Variants in KCNT2 observed in about 807,000 individuals in gnomAD.
KCNT2 encodes the protein potassium channel subfamily T member 2.
Under a neutral mutation model 153.8 loss-of-function variants are expected in KCNT2, and 67 were observed. That is an observed-to-expected ratio of 0.44 (90% CI 0.36 to 0.53). The LOEUF is 0.53. Among genes scored for constraint, KCNT2 ranks in the 20% least tolerant of loss-of-function variants. The pLI is 0.00. For synonymous variants in KCNT2, 500 were observed against 458.8 expected, an observed-to-expected ratio of 1.09 and a Z score of -1.15; for missense variants, 975 against 1,354.8, an observed-to-expected ratio of 0.72 and a Z score of 4.40.
chr1:196,387,455 A>G (rs1056018989), intron 13 of KCNT2, among the ~76,000 whole-genome samples: 1 of 151,866 alleles, frequency 6.6e-6, no homozygotes, highest in Non-Finnish European at 1.5e-5. Flanking sequence ...CTGTATGTCC[A>G]CCCTATTTTA....
At chr1:196,263,970 A>G (rs114646490) in intron 25 of KCNT2, among the ~76,000 whole-genome samples, 25 of 151,838 alleles carry the variant, frequency 1.6e-4, no homozygotes, top group South Asian at 1.5e-3. Flanking sequence ...GTTTAATTCA[A>G]TCTCTACTTT....
intron 26 of KCNT2, among the ~76,000 whole-genome samples, chr1:196,244,442 C>A (rs1655241533): frequency 6.6e-6 from 1 of 152,078 alleles, no homozygotes; most frequent in Admixed American, 6.5e-5. Flanking sequence ...CATTTCTGGA[C>A]CTTCCCTGGG....
At chr1:196,451,407 A>ATTTTTTTTTTTTTTT (rs35621901) in intron 8 of KCNT2, among the ~76,000 whole-genome samples, 4 of 62,894 alleles carry the variant, frequency 6.4e-5, no homozygotes, top group African/African-American at 6.8e-5. Flanking sequence ...CACCCAACAC[A>ATTTTTTTTTTTTTTT]TTTTTTTTTT....
At chr1:196,302,994 A>T (rs1338298287) in intron 22 of KCNT2, among the ~76,000 whole-genome samples, 1 of 151,370 alleles carries the variant, frequency 6.6e-6, no homozygotes, top group East Asian at 1.9e-4. Flanking sequence ...TCTAAAAGAC[A>T]TAAGGACAAA....
intron 1 of KCNT2, among the ~76,000 whole-genome samples, chr1:196,526,230 A>G (rs987506239): frequency 5.3e-5 from 8 of 151,878 alleles, no homozygotes; most frequent in Non-Finnish European, 1.0e-4. Context: ...AAAAATGTTC[A>G]TGTATAATTT....
At chr1:196,603,289 G>A (rs1331868445) in intron 1 of KCNT2, among the ~76,000 whole-genome samples, 1 of 152,050 alleles carries the variant, frequency 6.6e-6, no homozygotes, top group Non-Finnish European at 1.5e-5. Flanking sequence ...TAAAAATAAT[G>A]TGTCATTCAT....
Position 196,340,557 on chromosome 1 carries a change from A to G in KCNT2, c.1567T>C (p.Leu523=). ...FHAHKKFGVC[L]IGVRREDNKN... The stretch of plus-strand genomic sequence containing the variant: ...TTATCCTCCCTCCTAACACCAATCA[A>G]GCAGACGCCAAACCTTAATTTAAAA... Residue 523 remains leucine (L), a synonymous_variant, in exon 16 of 28, where the codon TTG becomes CTG. Coordinates refer to ENST00000294725, the MANE Select transcript of KCNT2 (RefSeq NM_198503.5). 6.4e-7 allele frequency: 1 copy of G among 1,560,136 alleles called. No individual in the cohort carries two copies. Among genetic ancestry groups the G allele is most frequent in the Non-Finnish European group, 8.7e-7 (1 of 1,155,260 alleles).
intron 26 of KCNT2, among the ~76,000 whole-genome samples, chr1:196,253,958 A>G (rs1558069369): frequency 1.3e-5 from 2 of 151,554 alleles, no homozygotes; most frequent in East Asian, 1.9e-4. Context: ...GTATAAGTGC[A>G]ATTAAGTATG....
intron 13 of KCNT2, among the ~76,000 whole-genome samples, chr1:196,397,872 A>G (rs1671080100): frequency 6.6e-6 from 1 of 151,476 alleles, no homozygotes; most frequent in Non-Finnish European, 1.5e-5. Flanking sequence ...TATAATGTAA[A>G]ACATGGGATA....
At chr1:196,503,167 G>GAA (rs199627665) in intron 1 of KCNT2, among the ~76,000 whole-genome samples, 3 of 145,668 alleles carry the variant, frequency 2.1e-5, no homozygotes, top group Non-Finnish European at 1.5e-5. Flanking sequence ...GAAAAGAAAA[G>GAA]AAAAAAAAAA....
intron 21 of KCNT2, among the ~76,000 whole-genome samples, chr1:196,310,299 A>T (rs1202610043): frequency 6.6e-6 from 1 of 151,918 alleles, no homozygotes; most frequent in African/African-American, 2.4e-5. Flanking sequence ...CACATAAAAC[A>T]CTACTTGGGA....
chr1:196,358,417 A>G (rs1200741893), intron 14 of KCNT2, among the ~76,000 whole-genome samples: 1 of 151,786 alleles, frequency 6.6e-6, no homozygotes, highest in Non-Finnish European at 1.5e-5. Flanking sequence ...TGAAGACAAA[A>G]TCAGCACCTC....
chr1:196,388,655 T>A (rs1448182438), intron 13 of KCNT2, among the ~76,000 whole-genome samples: 1 of 151,666 alleles, frequency 6.6e-6, no homozygotes, highest in Non-Finnish European at 1.5e-5. Context: ...TTTGATGAAT[T>A]TTAAAGGTTA....
intron 2 of KCNT2, 81 bp downstream of exon 2, chr1:196,492,181 T>C (rs1378238935): frequency 1.6e-6 from 2 of 1,271,146 alleles, no homozygotes; most frequent in African/African-American, 1.6e-5. Flanking sequence ...ATCTAAAAAG[T>C]ATTTTGCAAA....
At chr1:196,442,556 C>A (rs1675332497) in intron 8 of KCNT2, among the ~76,000 whole-genome samples, 1 of 151,620 alleles carries the variant, frequency 6.6e-6, no homozygotes, top group South Asian at 2.1e-4. Context: ...GGAATTTGAC[C>A]TAAGCAGGTG....
intron 8 of KCNT2, among the ~76,000 whole-genome samples, chr1:196,456,890 C>T (rs904966279): frequency 2.0e-5 from 3 of 151,790 alleles, no homozygotes; most frequent in East Asian, 1.9e-4. Context: ...TATAGTTAAA[C>T]CAAAGAATAC....
chr1:196,600,204 T>G (rs1020996770), intron 1 of KCNT2, among the ~76,000 whole-genome samples: 1 of 152,190 alleles, frequency 6.6e-6, no homozygotes, highest in Non-Finnish European at 1.5e-5. Context: ...CTGGCCTCCA[T>G]GGAGCCTAGT....
At chr1:196,532,413 A>G (rs1009078948) in intron 1 of KCNT2, among the ~76,000 whole-genome samples, 8 of 152,022 alleles carry the variant, frequency 5.3e-5, no homozygotes, top group Non-Finnish European at 1.0e-4. Context: ...AATATCCTGG[A>G]ACTCTAACAT....
intron 6 of KCNT2, 59 bp downstream of exon 6, chr1:196,468,935 A>T: frequency 1.0e-6 from 1 of 1,000,110 alleles, no homozygotes; most frequent in Non-Finnish European, 1.5e-6. Context: ...ATCTAGGTTT[A>T]AATATTTTAC....
Sources: gnomAD v4.1 joint callset for allele counts (sites outside exome capture counted in the v4.1 genomes callset) on GRCh38, gnomAD v4.1.1 for gene constraint, MANE v1.5 for transcripts, NCBI Gene and HGNC (gene_info 2026-07-23, HGNC 2026-07-21) for gene names.